The following CDCA5 variants were observed in gnomAD, a reference collection of about 807,000 sequenced individuals.
The protein encoded by CDCA5 is sororin.
CDCA5 carries 14 observed loss-of-function variants against 25.7 expected under a neutral mutation model. That is an observed-to-expected ratio of 0.54 (90% CI 0.36 to 0.85). The LOEUF (loss-of-function observed/expected upper bound fraction) is 0.85. Among genes scored for constraint, CDCA5 ranks in the 40% least tolerant of loss-of-function variants. The pLI is 0.01. For missense variants in CDCA5, 307 were observed against 324.5 expected (o/e 0.95, Z 0.41); for synonymous variants, 127 against 128.7 (o/e 0.99, Z 0.09).
chr11:65,079,770 C>T lies in CDCA5; in HGVS notation c.261G>A (p.Glu87=), dbSNP rs1947527412. ...RRSPRISFFL[E]KENEPPGREL... The stretch of plus-strand genomic sequence containing the variant: ...CCCTGCCAGGGGGCTCGTTTTCTTT[C>T]TCCAAGAAAAAGGAAATCTGCACCA... Residue 87 remains glutamate, a synonymous_variant, in exon 5 of 6, where the codon GAG becomes GAA. Coordinates refer to ENST00000275517, the MANE Select transcript of CDCA5 (RefSeq NM_080668.4). 1 of 1,476,224 alleles carries T rather than the reference C, an allele frequency of 6.8e-7. No homozygotes were observed. The highest frequency in any genetic ancestry group is 9.0e-7 in the Non-Finnish European group (1 of 1,112,506). 91.4% of individuals were successfully genotyped at this position (1,476,224 alleles called of 1,614,324 possible).
At chr11:65,066,384 G>T in exon 7 of CDCA5, 1 of 1,192,732 alleles carries the variant, frequency 8.4e-7, no homozygotes, top group Admixed American at 3.4e-5. Flanking sequence ...CTCTGGCCTG[G>T]GGCCTGGCCA....
At chr11:65,072,938 C>CTTTTTTT (rs751923442), downstream of CDCA5, among the ~76,000 whole-genome samples, 16 of 99,948 alleles carry the variant, frequency 1.6e-4, no homozygotes, top group South Asian at 3.4e-4. Flanking sequence ...TTATTTCATT[C>CTTTTTTT]TTTTTTTTTT....
rs1947481486 is a variant in CDCA5 at position 65,078,063 on chromosome 11, G to C, written c.*1044C>G. 1 of 985,262 alleles carries C rather than the reference G, an allele frequency of 1.0e-6. No individual in the cohort carries two copies. Among genetic ancestry groups the C allele is most frequent in the Non-Finnish European group, 1.2e-6 (1 of 829,942 alleles). 61.0% of individuals were successfully genotyped at this position (985,262 alleles called of 1,614,324 possible). ...GCAGTGTTCTCATGTGAGAGGATAG[G>C]GAGGCCAAAAACTAAAATTGCTATC... On this transcript the variant is annotated 3_prime_UTR_variant, in exon 6 of 6. Transcript: ENST00000275517.
chr11:65,083,757 G>A (rs1239582053), intron 1 of CDCA5, 34 bp from the exon 2 acceptor site: 1 of 1,591,844 alleles, frequency 6.3e-7, no homozygotes, highest in Non-Finnish European at 8.6e-7. Context: ...GGTAGAGGAG[G>A]ACTCTAGACC....
At chr11:65,074,318 C>T (rs553063098), downstream of CDCA5, among the ~76,000 whole-genome samples, 4 of 152,174 alleles carry the variant, frequency 2.6e-5, no homozygotes, top group Non-Finnish European at 5.9e-5. Context: ...AGTGACCCAC[C>T]AACCTTGGCC....
At chr11:65,076,376 A>C (rs1240532579), downstream of CDCA5, among the ~76,000 whole-genome samples, 1 of 152,066 alleles carries the variant, frequency 6.6e-6, no homozygotes, top group Non-Finnish European at 1.5e-5. Context: ...CAGCTTCCCA[A>C]AGTGCTGGGA....
In CDCA5 at chr11:65,081,256, C is replaced by A. The variant is rs147572019; in HGVS notation, c.244-1469G>T. Among the ~76,000 whole-genome samples the A allele has an allele frequency of 5.6e-3, 850 of 152,178 alleles. 7 individuals carry two copies. Among genetic ancestry groups the A allele is most frequent in the African/African-American group, 0.018 (768 of 41,526 alleles). On this transcript the variant is annotated intron_variant, in intron 4 of 5. Transcript: ENST00000275517. ...CCTGGCCAACATAGTGAAACCCCAT[C>A]TCTACTGAAAATACAAAAAAAATTA... is the stretch of plus-strand genomic sequence containing the variant.
At chr11:65,061,914 A>ATTTTT (rs35836447), downstream of CDCA5, among the ~76,000 whole-genome samples, 42 of 82,304 alleles carry the variant, frequency 5.1e-4, 1 homozygote, top group African/African-American at 1.0e-3. Context: ...CAGCTGCCTA[A>ATTTTT]TTTTTTTTTT....
downstream of CDCA5, among the ~76,000 whole-genome samples, chr11:65,072,636 T>A (rs1947362076): frequency 6.6e-6 from 1 of 152,122 alleles, no homozygotes; most frequent in South Asian, 2.1e-4. Flanking sequence ...TGTCCCCAGC[T>A]CCCACTGGAG....
Position 65,078,111 on chromosome 11 carries a change from G to A in CDCA5, c.*996C>T, listed in dbSNP as rs1041891744. 21 of 985,336 alleles carry A rather than the reference G, an allele frequency of 2.1e-5. No individual in the cohort carries two copies. The highest frequency in any genetic ancestry group is 1.1e-4 in the East Asian group (1 of 8,832). 61.0% of individuals were successfully genotyped at this position (985,336 alleles called of 1,614,324 possible). A position where few individuals can be genotyped will look rare whatever the true frequency, so the allele number is the denominator to read the frequency against. On this transcript the variant is annotated 3_prime_UTR_variant, in exon 6 of 6. Transcript: ENST00000275517. Reference sequence around the variant, plus strand: ...ATCAGCCCCCGCCGCTGTCTGGTACGCGAGGAAACTTTCCGAGGACTTTAC... The same window carrying A: ...ATCAGCCCCCGCCGCTGTCTGGTACACGAGGAAACTTTCCGAGGACTTTAC...
At chr11:65,066,594 A>G (rs1399092472) in exon 6 of CDCA5, 24 of 1,289,288 alleles carry the variant, frequency 1.9e-5, no homozygotes, top group Non-Finnish European at 2.4e-5. Context: ...TTCCTCCTGC[A>G]GGGCCTTCAC....
chr11:65,067,691 G>T lies in CDCA5; in HGVS notation c.332C>A (p.Ser111Ter). The T allele has an allele frequency of 7.8e-7, 1 of 1,289,802 alleles. No individual in the cohort carries two copies. The highest frequency in any genetic ancestry group is 1.0e-6 in the Non-Finnish European group (1 of 988,870). 79.9% of individuals were successfully genotyped at this position (1,289,802 alleles called of 1,614,324 possible). Reference sequence around the variant, plus strand: ...ATTCTGCAACTGCCTGATCTCCTTTGAGGTCCGCTGGGGGCCCCAGTCCTC... The same window carrying T: ...ATTCTGCAACTGCCTGATCTCCTTTTAGGTCCGCTGGGGGCCCCAGTCCTC... Residue 111 changes from serine (S) to a stop codon, truncating the protein, a stop_gained, in exon 4 of 7, where the codon TCA becomes TAA. Transcript: ENST00000525464. LOFTEE classifies it high-confidence loss of function.
In CDCA5 at chr11:65,079,453, C is replaced by T; in HGVS notation, c.578G>A (p.Arg193Lys). 6.2e-7 allele frequency: 1 copy of T among 1,614,092 alleles called. No homozygotes were observed. The highest frequency in any genetic ancestry group is 8.5e-7 in the Non-Finnish European group (1 of 1,180,002). Residue 193 changes from arginine to lysine, a missense_variant, in exon 5 of 6, where the codon AGG (arginine) becomes AAG (lysine). Coordinates refer to ENST00000275517, the MANE Select transcript of CDCA5 (RefSeq NM_080668.4). ...TGGGGCCCAGGGCTTTGCACAAACCCTGGGGACCTCGGTGAGTTTGGAGCA... is the reference window on the plus strand; with the variant it reads ...TGGGGCCCAGGGCTTTGCACAAACCTTGGGGACCTCGGTGAGTTTGGAGCA... ...VVCSKLTEVP[R>K]VCAKPWAPDM...
intron 1 of CDCA5, among the ~76,000 whole-genome samples, chr11:65,069,940 C>A (rs573939396): frequency 5.9e-5 from 9 of 152,156 alleles, no homozygotes; most frequent in African/African-American, 1.9e-4. Context: ...GACCACAGTG[C>A]GGGGGGATGA....
exon 2 of CDCA5, chr11:65,068,593 C>T: frequency 1.6e-6 from 2 of 1,288,706 alleles, no homozygotes; most frequent in Non-Finnish European, 2.0e-6. Context: ...TTTGTCTGCC[C>T]CTAAGAGACT....
At chr11:65,069,231 C>G (rs1947296700) in intron 1 of CDCA5, among the ~76,000 whole-genome samples, 1 of 74,320 alleles carries the variant, frequency 1.3e-5, no homozygotes, top group African/African-American at 5.2e-5. Flanking sequence ...CAGAGCGAGA[C>G]TCTCAAAAAA....
At chr11:65,081,438 AAC>A (rs1947564669) in intron 4 of CDCA5, among the ~76,000 whole-genome samples, 1 of 151,910 alleles carries the variant, frequency 6.6e-6, no homozygotes, top group Non-Finnish European at 1.5e-5. Flanking sequence ...AAAAAAAAAA[AAC>A]ACAGGGAAGC....
Position 65,078,397 on chromosome 11 carries a change from A to C in CDCA5, c.*710T>G. 1.0e-6 allele frequency: 1 copy of C among 985,806 alleles called. No homozygotes were observed. Among genetic ancestry groups the C allele is most frequent in the Non-Finnish European group, 1.2e-6 (1 of 830,126 alleles). 61.1% of individuals were successfully genotyped at this position (985,806 alleles called of 1,614,324 possible). ...CTTTGCTCCAAGCAGCCAGCGCCCT[A>C]TCAACCTGGCATTTACCAAACATCT... is the stretch of plus-strand genomic sequence containing the variant. On this transcript the variant is annotated 3_prime_UTR_variant, in exon 6 of 6. Coordinates refer to ENST00000275517, the MANE Select transcript of CDCA5 (RefSeq NM_080668.4).
downstream of CDCA5, chr11:65,077,346 G>A (rs1052069564): frequency 2.7e-5 from 12 of 437,446 alleles, no homozygotes; most frequent in African/African-American, 4.3e-5. Context: ...GCGGGGAAGC[G>A]GGGCTGGGAG....
Sources: allele counts gnomAD v4.1 joint callset (sites outside exome capture counted in the v4.1 genomes callset), GRCh38; gene constraint gnomAD v4.1.1; transcripts MANE v1.5; gene names NCBI Gene and HGNC (gene_info 2026-07-23, HGNC 2026-07-21).